Variants in ZNF468 observed in about 807,000 individuals in gnomAD.
ZNF468 encodes the protein zinc finger protein 468, also known as zinc finger protein ZNF468.
In ZNF468, 8 loss-of-function variants were observed where a neutral mutation model predicts 7.2. The observed-to-expected ratio is 1.11, with a 90% confidence interval of 0.65 to 2.01. The LOEUF (loss-of-function observed/expected upper bound fraction) is 2.01, where lower values mean the gene tolerates loss of function less well. Ranked by LOEUF, ZNF468 falls within the 30% of genes most tolerant of loss-of-function variation. ZNF468 has a pLI of 0.00. For missense variants in ZNF468, 608 were observed against 626.5 expected, an observed-to-expected ratio of 0.97 and a Z score of 0.31; for synonymous variants, 218 against 214.4, an observed-to-expected ratio of 1.02 and a Z score of -0.15.
At chr19:52,852,139 G>T (rs1244263633) in intron 2 of ZNF468, among the ~76,000 whole-genome samples, 1 of 151,966 alleles carries the variant, frequency 6.6e-6, no homozygotes, top group South Asian at 2.1e-4. Context: ...GCTGAGGCAG[G>T]TGGATCACCT....
intron 2 of ZNF468, among the ~76,000 whole-genome samples, chr19:52,852,696 A>G (rs569664870): frequency 6.6e-6 from 1 of 152,126 alleles, no homozygotes; most frequent in Admixed American, 6.5e-5. Flanking sequence ...AATAAAGCAA[A>G]TAAAACAAAA....
chr19:52,850,863 C>CACTCCAGCCTGGGCGA (rs2063383843), intron 2 of ZNF468, among the ~76,000 whole-genome samples: 1 of 151,866 alleles, frequency 6.6e-6, no homozygotes, highest in South Asian at 2.1e-4. Context: ...CGCGCCACTG[C>CACTCCAGCCTGGGCGA]ACTCCAGCCT....
chr19:52,854,030 G>A (rs762932711), intron 2 of ZNF468: 44 of 1,494,974 alleles, frequency 2.9e-5, no homozygotes, highest in African/African-American at 8.4e-5. Flanking sequence ...CATCCATGTC[G>A]GGGTGTGAGC....
chr19:52,848,081 T>A (rs76949949), intron 3 of ZNF468, among the ~76,000 whole-genome samples: 2,786 of 152,280 alleles, frequency 0.018, 97 homozygotes, highest in African/African-American at 0.064. Flanking sequence ...AATTAAACTT[T>A]CCTTTTCCCA....
chr19:52,856,046 T>A lies in ZNF468; in HGVS notation c.-74+1526A>T, dbSNP rs369099311. Among the ~76,000 whole-genome samples, 34 of 152,342 alleles carry A rather than the reference T, an allele frequency of 2.2e-4. No homozygotes were observed. In the South Asian group the frequency reaches 2.3e-3, roughly 10 times the overall value. On this transcript the variant is annotated intron_variant, in intron 1 of 3. Coordinates refer to ENST00000595646, the MANE Select transcript of ZNF468 (RefSeq NM_001008801.2). ...AGAAGCATTTTTCACATGCCTGGGT[T>A]AAAGAAAATTCTTTTGAAAGGTTCT...
At position 52,847,168 on chromosome 19, in the gene ZNF468, C is replaced by T. The variant is rs1484358912; in HGVS notation, c.142+1919G>A. On this transcript the variant is annotated intron_variant, in intron 3 of 3. Transcript: ENST00000595646. ...TTGTTTCGCTTTGAGATGCTGTTAACCTGTAACTTTAGCCCCAACCCTGTG... is the reference window on the plus strand; with the variant it reads ...TTGTTTCGCTTTGAGATGCTGTTAATCTGTAACTTTAGCCCCAACCCTGTG... Among the ~76,000 whole-genome samples, 8 of 152,180 alleles carry T rather than the reference C, an allele frequency of 5.3e-5. No individual in the cohort carries two copies. The East Asian group carries it at 1.4e-3, about 26-fold the overall frequency.
rs190913950 is a variant in ZNF468, at chr19:52,855,977, G to A, written c.-74+1595C>T. Among the ~76,000 whole-genome samples the A allele has an allele frequency of 6.6e-5, 10 of 152,338 alleles. No homozygotes were observed. In the East Asian group the frequency reaches 1.9e-3, roughly 29 times the overall value. On this transcript the variant is annotated intron_variant, in intron 1 of 3. Transcript: ENST00000595646. ...AATTCTTACATGGGGGCCTGGAAGG[G>A]CTAATGGGATGGGTTGGTCTTATCA...
chr19:52,849,184 T>C lies in ZNF468; in HGVS notation c.45A>G (p.Ile15Met). The change falls in exon 3 of 4, where the codon ATA becomes ATG. Residue 15 changes from isoleucine to methionine, a missense_variant. By Grantham distance (10) the Ile-to-Met change is conservative. Transcript: ENST00000595646. ...ATTTCCACTCCTCCTGAGAGAATTC[T>C]ATGGCCACGTCCCTGAATGTCAATA... ...QGLLTFRDVA[I>M]EFSQEEWKCL... The C allele has an allele frequency of 1.2e-6, 2 of 1,613,954 alleles. No homozygotes were observed. The highest frequency in any genetic ancestry group is 1.7e-6 in the Non-Finnish European group (2 of 1,179,902).
chr19:52,843,536 C>T (rs2063321699), intron 3 of ZNF468, among the ~76,000 whole-genome samples: 1 of 152,090 alleles, frequency 6.6e-6, no homozygotes, highest in Non-Finnish European at 1.5e-5. Context: ...CCCTGTGGCA[C>T]TTTCTGACAT....
At position 52,838,567 on chromosome 19, in the gene ZNF468, G is replaced by C. The variant is rs2063266943; in HGVS notation, c.*2158C>G. On this transcript the variant is annotated 3_prime_UTR_variant, in exon 4 of 4. Coordinates refer to ENST00000595646, the MANE Select transcript of ZNF468 (RefSeq NM_001008801.2). ...AGAAGTCAAATTTTATTTGTTTGTA[G>C]ATGACATGACCTTCTGTAAAGAAAA... 1 of 152,152 alleles carries C rather than the reference G, an allele frequency of 6.6e-6. No homozygotes were observed. The highest frequency in any genetic ancestry group is 2.4e-5 in the African/African-American group (1 of 41,428). 9.4% of individuals were successfully genotyped at this position (152,152 alleles called of 1,614,324 possible). A position where few individuals can be genotyped will look rare whatever the true frequency, so the allele number is the denominator to read the frequency against.
At chr19:52,844,475 T>A (rs1699802820) in intron 3 of ZNF468, among the ~76,000 whole-genome samples, 2 of 152,220 alleles carry the variant, frequency 1.3e-5, no homozygotes, top group African/African-American at 2.4e-5. Context: ...TTTTTGTTTG[T>A]TTTTGAGATG....
intron 1 of ZNF468, among the ~76,000 whole-genome samples, chr19:52,855,683 T>A (rs76969024): frequency 3.5e-5 from 5 of 140,912 alleles, no homozygotes; most frequent in African/African-American, 1.0e-4. Context: ...CTTCCATTCT[T>A]CTGCTTTTTT....
intron 2 of ZNF468, among the ~76,000 whole-genome samples, chr19:52,851,611 C>G (rs1352195689): frequency 2.0e-5 from 3 of 151,716 alleles, no homozygotes; most frequent in Admixed American, 2.0e-4. Context: ...CATGGTGGCA[C>G]CCACCTGTGG....
Position 52,841,333 on chromosome 19 carries a change from G to T in ZNF468, c.961C>A (p.His321Asn), listed in dbSNP as rs754534609. The change falls in exon 4 of 4, where the codon CAT (histidine) becomes AAT (asparagine). Residue 321 changes from histidine to asparagine, a missense_variant. Physicochemically the swap from His to Asn is moderately conservative, Grantham distance 68. Transcript: ENST00000595646. The stretch of plus-strand genomic sequence containing the variant: ...CATTTGTATGGTTTCTCTCCAGTAT[G>T]AATCCTCTTATGTCTTTCAAGGTGT... ...KSHLERHKRIHTGEKPYKCKV... is the reference protein window; with the variant it reads ...KSHLERHKRINTGEKPYKCKV... 6.2e-7 allele frequency: 1 copy of T among 1,613,856 alleles called. No homozygotes were observed. Among genetic ancestry groups the T allele is most frequent in the Admixed American group, 1.7e-5 (1 of 59,986 alleles).
intron 3 of ZNF468, among the ~76,000 whole-genome samples, chr19:52,844,510 G>A (rs1228898534): frequency 6.6e-6 from 1 of 152,088 alleles, no homozygotes; most frequent in East Asian, 1.9e-4. Context: ...CACCCAGGAT[G>A]CAGTGTAGTG....
rs1408292405 is a variant in ZNF468 at position 52,841,517 on chromosome 19, G to T, written c.777C>A (p.Ala259=). ...CACCAGTGTGACATCTACGATGGCA[G>T]GCAAGGTATCGCTTCTGATTAAAGA... The part of the protein sequence containing the change: ...GKVFNQKRYL[A]CHRRCHTGEK... Residue 259 remains alanine, a synonymous_variant, in exon 4 of 4, where the codon GCC becomes GCA. Transcript: ENST00000595646. 10 of 1,613,946 alleles carry T rather than the reference G, an allele frequency of 6.2e-6. No individual in the cohort carries two copies. Among genetic ancestry groups the T allele is most frequent in the Non-Finnish European group, 8.5e-6 (10 of 1,180,024 alleles).
chr19:52,844,051 C>T (rs1165082749), intron 3 of ZNF468, among the ~76,000 whole-genome samples: 3 of 152,118 alleles, frequency 2.0e-5, no homozygotes, highest in South Asian at 4.1e-4. Context: ...ACCCAGGAGG[C>T]GGAGGTTGCA....
At position 52,841,616 on chromosome 19, in the gene ZNF468, G is replaced by A. The variant is rs756416077; in HGVS notation, c.678C>T (p.Cys226=). ...ECIQSFKSFN[C]SSLLKKHQII... ...TCTGATGTTTTTTTAAGAGTGAGCT[G>A]CAATTAAAGGATTTGAAGCTCTGTA... Residue 226 remains cysteine, a synonymous_variant, in exon 4 of 4, where the codon TGC becomes TGT. Transcript: ENST00000595646. 16 of 1,613,838 alleles carry A rather than the reference G, an allele frequency of 9.9e-6. No homozygotes were observed. The highest frequency in any genetic ancestry group is 1.1e-5 in the South Asian group (1 of 91,044).
intron 3 of ZNF468, among the ~76,000 whole-genome samples, chr19:52,845,932 CG>C (rs1309959079): frequency 6.6e-6 from 1 of 151,566 alleles, no homozygotes; most frequent in Non-Finnish European, 1.5e-5. Context: ...GTACCCGAGA[CG>C]CAGAGTTTGG....
Sources: allele counts gnomAD v4.1 joint callset (sites outside exome capture counted in the v4.1 genomes callset), GRCh38; gene constraint gnomAD v4.1.1; transcripts MANE v1.5; gene names NCBI Gene and HGNC (gene_info 2026-07-23, HGNC 2026-07-21).